Variants in TDRD12 observed in about 807,000 individuals in gnomAD.
The protein encoded by TDRD12 is tudor domain containing 12.
In TDRD12, 158 loss-of-function variants were observed where a neutral mutation model predicts 133.5. The ratio of observed to expected loss-of-function variants is 1.18; its 90% confidence interval spans 1.04 to 1.35. The LOEUF (loss-of-function observed/expected upper bound fraction) is 1.35, where lower values mean the gene tolerates loss of function less well. TDRD12 is among the 40% of genes most tolerant of loss of function. TDRD12 has a pLI of 0.00. For missense variants in TDRD12, 1,443 were observed against 1,321.3 expected, an observed-to-expected ratio of 1.09 and a Z score of -1.43; for synonymous variants, 460 against 477.9, an observed-to-expected ratio of 0.96 and a Z score of 0.49.
intron 4 of TDRD12, among the ~76,000 whole-genome samples, chr19:32,748,088 T>C (rs1969708111): frequency 6.6e-6 from 1 of 152,062 alleles, no homozygotes; most frequent in Non-Finnish European, 1.5e-5. Context: ...TGTACCAGCA[T>C]GTGTCGCGCC....
At chr19:32,800,114 C>A in intron 16 of TDRD12, 53 bp from the exon 17 acceptor site, 1 of 1,001,706 alleles carries the variant, frequency 1.0e-6, no homozygotes, top group Non-Finnish European at 1.4e-6. Flanking sequence ...TTCTGCCACA[C>A]TAGTTCTTAC....
At chr19:32,766,517 T>C (rs1193320997) in intron 8 of TDRD12, among the ~76,000 whole-genome samples, 1 of 152,220 alleles carries the variant, frequency 6.6e-6, no homozygotes. Flanking sequence ...GTTTTCTGTT[T>C]GTCTCATCTG....
chr19:32,738,618 A>G (rs1363930006), intron 2 of TDRD12, among the ~76,000 whole-genome samples: 4 of 152,170 alleles, frequency 2.6e-5, no homozygotes, highest in African/African-American at 7.2e-5. Flanking sequence ...GTTTGAGACC[A>G]GCTTATCCAA....
intron 9 of TDRD12, 45 bp downstream of exon 32, chr19:32,826,794 G>A (rs1362366215): frequency 3.5e-6 from 4 of 1,151,364 alleles, no homozygotes; most frequent in African/African-American, 3.2e-5. Flanking sequence ...TAGGTTCTGA[G>A]GGCAGTGAGG....
At chr19:32,793,494 G>A (rs1971129686) in intron 13 of TDRD12, among the ~76,000 whole-genome samples, 1 of 152,134 alleles carries the variant, frequency 6.6e-6, no homozygotes, top group South Asian at 2.1e-4. Flanking sequence ...CTGCAGCTAG[G>A]GCTCAGGACT....
chr19:32,748,676 C>G (rs1372213064), intron 5 of TDRD12, 145 bp downstream of exon 5: 1 of 690,182 alleles, frequency 1.4e-6, no homozygotes, highest in Non-Finnish European at 2.4e-6. Flanking sequence ...GGGGCTTCCT[C>G]CAGCTCAAGT....
chr19:32,818,459 G>T (rs954573092), intron 27 of TDRD12, among the ~76,000 whole-genome samples: 5 of 152,230 alleles, frequency 3.3e-5, no homozygotes, highest in African/African-American at 1.2e-4. Flanking sequence ...GATGGTTCGT[G>T]GCTACTGTGT....
chr19:32,768,478 C>T (rs748032336), intron 8 of TDRD12, among the ~76,000 whole-genome samples: 21 of 151,220 alleles, frequency 1.4e-4, no homozygotes, highest in Non-Finnish European at 2.8e-4. Flanking sequence ...AAGCCTCAAA[C>T]ACCTCAGCCT....
intron 1 of TDRD12, among the ~76,000 whole-genome samples, chr19:32,728,882 T>C (rs1288355799): frequency 2.0e-5 from 3 of 150,816 alleles, no homozygotes; most frequent in Non-Finnish European, 3.0e-5. Context: ...CTCCTAACCT[T>C]GTGATCCGCC....
chr19:32,766,908 C>A (rs1188729081), intron 8 of TDRD12, among the ~76,000 whole-genome samples: 1 of 151,816 alleles, frequency 6.6e-6, no homozygotes, highest in African/African-American at 2.4e-5. Flanking sequence ...AGCCACCATG[C>A]CTGGTCAGCT....
At position 32,739,321 on chromosome 19, in the gene TDRD12, C is replaced by A. The variant is rs894679678; in HGVS notation, c.320+329C>A. On this transcript the variant is annotated intron_variant, in intron 3 of 27. Coordinates refer to ENST00000444215, the Ensembl canonical transcript of TDRD12. The stretch of plus-strand genomic sequence containing the variant: ...ACTCTCTGCATCTCATGGCTACTCT[C>A]TGCATCTCCTGGCTACTCTGCATCT... Among the ~76,000 whole-genome samples the A allele has an allele frequency of 3.2e-5, 4 of 125,102 alleles. No homozygotes were observed. In the East Asian group the frequency reaches 9.0e-4, roughly 28 times the overall value. The allele number at this position is 125,102 out of a possible 152,430, so 82.1% of individuals were successfully genotyped here.
chr19:32,810,276 A>G, exon 23 of TDRD12: 2 of 1,513,124 alleles, frequency 1.3e-6, no homozygotes, highest in South Asian at 1.3e-5. Flanking sequence ...GCTTTTTCAC[A>G]GGTAACACAT....
chr19:32,779,130 A>G (rs770755421), intron 11 of TDRD12, among the ~76,000 whole-genome samples: 7 of 151,812 alleles, frequency 4.6e-5, no homozygotes, highest in Non-Finnish European at 1.0e-4. Context: ...CCTGGAGGAG[A>G]GGCACCCTTT....
intron 8 of TDRD12, among the ~76,000 whole-genome samples, chr19:32,764,647 C>A (rs1411736297): frequency 6.6e-6 from 1 of 152,154 alleles, no homozygotes; most frequent in Non-Finnish European, 1.5e-5. Flanking sequence ...TTCAAATCTT[C>A]TTTATCTTTA....
chr19:32,725,827 C>T (rs867872471), intron 1 of TDRD12, among the ~76,000 whole-genome samples: 3 of 152,054 alleles, frequency 2.0e-5, no homozygotes, highest in Admixed American at 6.6e-5. Flanking sequence ...TTTCACGATG[C>T]TCTTCCTATC....
exon 8 of TDRD12, chr19:32,757,055 T>C: frequency 6.4e-7 from 1 of 1,551,858 alleles, no homozygotes; most frequent in South Asian, 1.2e-5. Flanking sequence ...TGGTGTAAAT[T>C]TTCCGGCACA....
At chr19:32,755,582 A>T (rs1969968498) in intron 6 of TDRD12, among the ~76,000 whole-genome samples, 1 of 152,244 alleles carries the variant, frequency 6.6e-6, no homozygotes, top group Admixed American at 6.5e-5. Context: ...GATACATGTC[A>T]TCCGGATACT....
intron 8 of TDRD12, among the ~76,000 whole-genome samples, chr19:32,763,804 G>A (rs1970217731): frequency 6.6e-6 from 1 of 152,098 alleles, no homozygotes; most frequent in African/African-American, 2.4e-5. Context: ...CTCACTCCTG[G>A]TCCCATAGAA....
chr19:32,728,830 G>A (rs889013232), intron 1 of TDRD12, among the ~76,000 whole-genome samples: 1 of 41,636 alleles, frequency 2.4e-5, no homozygotes, highest in Non-Finnish European at 5.2e-5. Flanking sequence ...TTTTTTTTTT[G>A]TACAGATGGG....
Sources: gnomAD v4.1 joint callset for allele counts (sites outside exome capture counted in the v4.1 genomes callset) on GRCh38, gnomAD v4.1.1 for gene constraint, MANE v1.5 for transcripts, NCBI Gene and HGNC (gene_info 2026-07-23, HGNC 2026-07-21) for gene names.